Variants in DLG2 observed in about 807,000 individuals in gnomAD.
DLG2 encodes discs large MAGUK scaffold protein 2.
DLG2 carries 45 observed loss-of-function variants against 132.5 expected under a neutral mutation model. The ratio of observed to expected loss-of-function variants is 0.34; its 90% confidence interval spans 0.27 to 0.44. The LOEUF (loss-of-function observed/expected upper bound fraction) is 0.44, where lower values mean the gene tolerates loss of function less well. Ranked by LOEUF, DLG2 falls within the 20% of genes least tolerant of loss-of-function variation. DLG2 has a pLI of 1.00. For synonymous variants in DLG2, 424 were observed against 419.6 expected, an observed-to-expected ratio of 1.01 and a Z score of -0.13; for missense variants, 1,045 against 1,196.9, an observed-to-expected ratio of 0.87 and a Z score of 1.87.
At chr11:85,495,975 G>A (rs1365479914) in intron 3 of DLG2, among the ~76,000 whole-genome samples, 1 of 152,174 alleles carries the variant, frequency 6.6e-6, no homozygotes, top group Non-Finnish European at 1.5e-5. Flanking sequence ...ACAGCTCCCA[G>A]TGAGATCGAC....
At chr11:84,087,420 T>G (rs1027732872) in intron 10 of DLG2, among the ~76,000 whole-genome samples, 2 of 152,232 alleles carry the variant, frequency 1.3e-5, no homozygotes, top group African/African-American at 4.8e-5. Context: ...TGGACATCTT[T>G]TTATGTGCTC....
chr11:85,081,679 A>G (rs1406005922), intron 6 of DLG2, among the ~76,000 whole-genome samples: 1 of 152,152 alleles, frequency 6.6e-6, no homozygotes, highest in East Asian at 1.9e-4. Flanking sequence ...TGAGCTTTTT[A>G]ACTGCAGCAA....
At chr11:83,958,436 G>A (rs1281683162) in intron 14 of DLG2, among the ~76,000 whole-genome samples, 1 of 152,064 alleles carries the variant, frequency 6.6e-6, no homozygotes, top group Non-Finnish European at 1.5e-5. Flanking sequence ...AGTAGAGGCA[G>A]CCAGAAAGAC....
chr11:84,709,972 T>C (rs1418705296), intron 6 of DLG2, among the ~76,000 whole-genome samples: 1 of 151,992 alleles, frequency 6.6e-6, no homozygotes, highest in Admixed American at 6.6e-5. Context: ...CTTCTCATTA[T>C]CTGGAGCAGG....
chr11:85,372,042 C>G (rs2085023206), intron 3 of DLG2, among the ~76,000 whole-genome samples: 1 of 152,166 alleles, frequency 6.6e-6, no homozygotes, highest in Non-Finnish European at 1.5e-5. Flanking sequence ...AACTCACTAG[C>G]TGTTTTTAAG....
chr11:83,963,157 G>A (rs892809665), intron 13 of DLG2, 134 bp from the exon 14 acceptor site: 4 of 909,860 alleles, frequency 4.4e-6, no homozygotes, highest in South Asian at 1.7e-5. Context: ...CCTCCCAGAG[G>A]GGGGAGTTGC....
intron 6 of DLG2, among the ~76,000 whole-genome samples, chr11:84,851,941 T>C (rs2082216118): frequency 6.6e-6 from 1 of 151,974 alleles, no homozygotes; most frequent in Non-Finnish European, 1.5e-5. Context: ...ATTAATTAAA[T>C]AATATTTCAG....
chr11:83,894,114 G>A lies in DLG2; in HGVS notation c.1497-19626C>T, dbSNP rs372563855. Among the ~76,000 whole-genome samples the A allele has an allele frequency of 3.5e-4, 54 of 152,236 alleles. 1 individual carries two copies. The Middle Eastern group carries it at 0.01, about 29-fold the overall frequency. On this transcript the variant is annotated intron_variant, in intron 15 of 27. Coordinates refer to ENST00000376104, the MANE Select transcript of DLG2 (RefSeq NM_001142699.3). The stretch of plus-strand genomic sequence containing the variant: ...ATTCCAGAATTCACTTTACTCAGTC[G>A]TCTACCTCATATTTGCTAAATTATT...
intron 6 of DLG2, among the ~76,000 whole-genome samples, chr11:84,734,256 C>T (rs1003155101): frequency 9.2e-5 from 14 of 152,118 alleles, no homozygotes; most frequent in African/African-American, 3.1e-4. Flanking sequence ...GATATTGATT[C>T]TTCCTATCCA....
chr11:85,199,783 G>A (rs1197828272), intron 4 of DLG2, among the ~76,000 whole-genome samples: 1 of 152,158 alleles, frequency 6.6e-6, no homozygotes, highest in East Asian at 1.9e-4. Context: ...AATACACACA[G>A]TGAGCCACAA....
chr11:83,659,115 AATG>A (rs1030130956), intron 18 of DLG2, among the ~76,000 whole-genome samples: 4 of 149,802 alleles, frequency 2.7e-5, no homozygotes, highest in African/African-American at 1.0e-4. Context: ...GGAATACAAC[AATG>A]ATTATGGGAT....
intron 18 of DLG2, among the ~76,000 whole-genome samples, chr11:83,760,300 A>T (rs1477287723): frequency 6.6e-6 from 1 of 152,210 alleles, no homozygotes; most frequent in Non-Finnish European, 1.5e-5. Context: ...TATTCCCATT[A>T]TTGGCAGATA....
intron 3 of DLG2, among the ~76,000 whole-genome samples, chr11:85,553,470 C>T (rs1218460339): frequency 2.0e-5 from 3 of 150,528 alleles, no homozygotes; most frequent in African/African-American, 7.3e-5. Flanking sequence ...GTACACAACA[C>T]CATGCCCGGC....
intron 3 of DLG2, among the ~76,000 whole-genome samples, chr11:85,476,084 G>A (rs536435045): frequency 5.9e-5 from 9 of 152,088 alleles, no homozygotes; most frequent in Non-Finnish European, 1.0e-4. Context: ...CACAAACCTA[G>A]ATGGTACACC....
chr11:83,692,763 T>A (rs1166179459), intron 18 of DLG2, among the ~76,000 whole-genome samples: 2 of 152,212 alleles, frequency 1.3e-5, no homozygotes, highest in Non-Finnish European at 2.9e-5. Flanking sequence ...CAAACTCATT[T>A]CCTCTTCTCC....
Position 84,735,622 on chromosome 11 carries a change from TC to T in DLG2, c.358-200892del, listed in dbSNP as rs1413399891. Among the ~76,000 whole-genome samples, 7 of 152,162 alleles carry T rather than the reference TC, an allele frequency of 4.6e-5. No individual in the cohort carries two copies. In the East Asian group the frequency reaches 1.4e-3, roughly 29 times the overall value. On this transcript the variant is annotated intron_variant, in intron 6 of 27. Coordinates refer to ENST00000376104, the MANE Select transcript of DLG2 (RefSeq NM_001142699.3). ...TCATTGAATTTTTGAAGGATTTTTTTCGTCTCTAACTCCTTCAGTTCTGCTC... is the reference window on the plus strand; with the variant it reads ...TCATTGAATTTTTGAAGGATTTTTTTGTCTCTAACTCCTTCAGTTCTGCTC...
At chr11:85,559,595 A>T (rs974704028) in intron 3 of DLG2, among the ~76,000 whole-genome samples, 32 of 151,490 alleles carry the variant, frequency 2.1e-4, no homozygotes, top group African/African-American at 7.3e-4. Context: ...TATCTAACAG[A>T]AGACTTTTGT....
intron 7 of DLG2, among the ~76,000 whole-genome samples, chr11:84,480,522 A>G (rs1405789125): frequency 6.6e-6 from 1 of 152,048 alleles, no homozygotes; most frequent in Non-Finnish European, 1.5e-5. Context: ...AGATATAACT[A>G]AAACATAAGT....
At chr11:84,190,418 C>T (rs184232769) in intron 8 of DLG2, among the ~76,000 whole-genome samples, 2 of 152,234 alleles carry the variant, frequency 1.3e-5, no homozygotes. Context: ...AACCAGAAAG[C>T]AAGTGAAAAC....
Sources: allele counts gnomAD v4.1 joint callset (sites outside exome capture counted in the v4.1 genomes callset), GRCh38; gene constraint gnomAD v4.1.1; transcripts MANE v1.5; gene names NCBI Gene and HGNC (gene_info 2026-07-23, HGNC 2026-07-21).